The following MYOM1 variants were observed in gnomAD, a reference collection of about 807,000 sequenced individuals.
MYOM1 encodes the protein myomesin 1.
A neutral mutation model predicts 205.3 loss-of-function variants in MYOM1; 164 were observed. The ratio of observed to expected loss-of-function variants is 0.80; its 90% CI spans 0.70 to 0.91. MYOM1 has a LOEUF of 0.91. Among genes scored for constraint, MYOM1 ranks in the 40% least tolerant of loss-of-function variants. The probability of loss-of-function intolerance (pLI) is 0.00; values close to 1 mark genes in which losing one functional copy is unlikely to be tolerated. For synonymous variants in MYOM1, 772 were observed against 789.4 expected, an observed-to-expected ratio of 0.98 and a Z score of 0.37; for missense variants, 2,011 against 2,127.3, an observed-to-expected ratio of 0.95 and a Z score of 1.08.
chr18:3,104,232 T>C (rs912678146), intron 22 of MYOM1, among the ~76,000 whole-genome samples: 1 of 152,148 alleles, frequency 6.6e-6, no homozygotes, highest in African/African-American at 2.4e-5. Flanking sequence ...AGGTTTAGAC[T>C]GTATTATAAT....
chr18:3,128,293 G>C (rs2079824137), intron 18 of MYOM1, among the ~76,000 whole-genome samples: 1 of 152,094 alleles, frequency 6.6e-6, no homozygotes. Context: ...ACAAAGAAAG[G>C]TGTCATAAAA....
chr18:3,211,182 G>A (rs1248714725), intron 2 of MYOM1, among the ~76,000 whole-genome samples: 1 of 152,166 alleles, frequency 6.6e-6, no homozygotes, highest in East Asian at 1.9e-4. Context: ...TCATCCTAAT[G>A]TATGATCCAG....
the MYOM1 span, among the ~76,000 whole-genome samples, chr18:3,245,153 T>C: frequency 6.6e-6 from 1 of 152,204 alleles, no homozygotes; most frequent in East Asian, 1.9e-4. Flanking sequence ...GTATTTTGTA[T>C]GGCAGCTAAA....
rs1202302195 is a variant in MYOM1 at position 3,083,779 on chromosome 18, A to G, written c.4484+10T>C. 2 of 1,544,838 alleles carry G rather than the reference A, an allele frequency of 1.3e-6. No homozygotes were observed. The highest frequency in any genetic ancestry group is 2.4e-5 in the East Asian group (1 of 41,738). ...ATTTCTACACAGCAAGTAAGTTCTC[A>G]TTTACTTACTTGTGGGACCAGTTAA... On this transcript the variant is annotated intron_variant, in intron 33 of 37. Coordinates refer to ENST00000356443, the MANE Select transcript of MYOM1 (RefSeq NM_003803.4).
chr18:3,155,009 G>A lies in MYOM1; in HGVS notation c.1581C>T (p.Ile527=), dbSNP rs755549301. 3 of 1,613,328 alleles carry A rather than the reference G, an allele frequency of 1.9e-6. No homozygotes were observed. The highest frequency in any genetic ancestry group is 2.5e-6 in the Non-Finnish European group (3 of 1,179,598). ...KCLEANKDYI[I]ISWKQPAVDG... ...CGACAGCTGGCTGTTTCCAGGAGAT[G>A]ATGATATAATCTTTGTTGGCCTCCA... Residue 527 remains isoleucine, a synonymous_variant, in exon 11 of 38, where the codon ATC becomes ATT. Coordinates refer to ENST00000356443, the MANE Select transcript of MYOM1 (RefSeq NM_003803.4).
At chr18:3,187,679 C>A (rs754473469) in intron 4 of MYOM1, 42 bp from the exon 5 acceptor site, 1 of 1,500,098 alleles carries the variant, frequency 6.7e-7, no homozygotes, top group East Asian at 2.4e-5. Flanking sequence ...ACCAAAATAC[C>A]AATAAATCAA....
chr18:3,186,858 GGAA>G (rs1198622452), intron 5 of MYOM1, among the ~76,000 whole-genome samples: 1 of 139,772 alleles, frequency 7.2e-6, no homozygotes, highest in African/African-American at 2.7e-5. Flanking sequence ...GAAAGGGAAA[GGAA>G]GGAAGGAAGG....
chr18:3,246,023 C>A, the MYOM1 span: 1 of 152,222 alleles, frequency 6.6e-6, no homozygotes, highest in African/African-American at 2.4e-5. Flanking sequence ...CTTGGCAATG[C>A]GGTTGCTGTT....
chr18:3,228,535 GAACC>G, the MYOM1 span, among the ~76,000 whole-genome samples: 96 of 151,914 alleles, frequency 6.3e-4, no homozygotes, highest in Middle Eastern at 0.01. This position sits in a 1 kb window ranked among gnomAD's most constrained non-coding sequence, Gnocchi z 4.5. Flanking sequence ...TTAAAAGTAA[GAACC>G]AGAATAAAGA....
intron 13 of MYOM1, among the ~76,000 whole-genome samples, chr18:3,148,314 A>G (rs1232950238): frequency 6.6e-6 from 1 of 152,260 alleles, no homozygotes; most frequent in Non-Finnish European, 1.5e-5. Flanking sequence ...CAGTGAATGG[A>G]TAAATACTTT....
intron 5 of MYOM1, among the ~76,000 whole-genome samples, chr18:3,181,012 C>T (rs1450800216): frequency 6.6e-6 from 1 of 151,922 alleles, no homozygotes; most frequent in African/African-American, 2.4e-5. Context: ...CTGCAACCTC[C>T]GCCTTCCGGG....
intron 22 of MYOM1, 42 bp downstream of exon 22, chr18:3,112,256 T>A (rs1168698519): frequency 2.6e-6 from 4 of 1,558,660 alleles, no homozygotes; most frequent in Non-Finnish European, 2.7e-6. Flanking sequence ...TTCAGTATCT[T>A]ACACAGATAG....
chr18:3,217,328 A>C (rs1183470025), intron 1 of MYOM1, among the ~76,000 whole-genome samples: 3 of 152,338 alleles, frequency 2.0e-5, no homozygotes, highest in Non-Finnish European at 2.9e-5. Context: ...CATTTGCTGA[A>C]AGTTCTGAAT....
rs1441142231 is a variant in MYOM1, at chr18:3,086,059, T to A, written c.4230A>T (p.Ile1410=). The stretch of plus-strand genomic sequence containing the variant: ...CTACCTCTGTTATAAGCAGGGTACA[T>A]ATACCATCCTTAAAGTCATGCTTTT... The part of the protein sequence containing the change: ...VDEKHDFKDG[I]CTLLITEFSK... The change falls in exon 30 of 38, where the codon ATA becomes ATT. Residue 1410 remains isoleucine (I), a synonymous_variant. Coordinates refer to ENST00000356443, the MANE Select transcript of MYOM1 (RefSeq NM_003803.4). 3.7e-6 allele frequency: 6 copies of A among 1,607,620 alleles called. No individual in the cohort carries two copies. The highest frequency in any genetic ancestry group is 5.1e-6 in the Non-Finnish European group (6 of 1,176,162).
At chr18:3,215,742 T>C (rs377016815) in intron 1 of MYOM1, among the ~76,000 whole-genome samples, 43 of 152,268 alleles carry the variant, frequency 2.8e-4, no homozygotes, top group African/African-American at 1.0e-3. Context: ...TGTACCTTTT[T>C]TTAAAAAAAA....
At chr18:3,136,930 A>G (rs977819805) in intron 14 of MYOM1, among the ~76,000 whole-genome samples, 3 of 151,286 alleles carry the variant, frequency 2.0e-5, no homozygotes. Flanking sequence ...ATAATCAACT[A>G]CAGTATTTTT....
At chr18:3,173,573 CGTGTGTGT>C (rs71159051) in intron 8 of MYOM1, among the ~76,000 whole-genome samples, 1,799 of 136,994 alleles carry the variant, frequency 0.013, 25 homozygotes, top group African/African-American at 0.026. Flanking sequence ...AGTCCAGACT[CGTGTGTGT>C]GTGTGTGTGT....
chr18:3,197,671 A>T (rs1437284284), intron 2 of MYOM1, among the ~76,000 whole-genome samples: 15 of 151,796 alleles, frequency 9.9e-5, no homozygotes, highest in East Asian at 3.9e-4. Flanking sequence ...CAGGAGATCG[A>T]GACCATCCTA....
intron 3 of MYOM1, among the ~76,000 whole-genome samples, chr18:3,193,099 T>C (rs1033735249): frequency 6.6e-6 from 1 of 151,764 alleles, no homozygotes; most frequent in Non-Finnish European, 1.5e-5. Context: ...TGAGACCCCA[T>C]CACTACACAT....
Sources: gnomAD v4.1 joint callset for allele counts (sites outside exome capture counted in the v4.1 genomes callset) on GRCh38, gnomAD v4.1.1 for gene constraint, Gnocchi (gnomAD v3.1) non-coding constraint, MANE v1.5 for transcripts, NCBI Gene and HGNC (gene_info 2026-07-23, HGNC 2026-07-21) for gene names.